The following NDP variants were observed in gnomAD, a reference collection of about 807,000 sequenced individuals.
NDP encodes the protein norrin cystine knot growth factor NDP, also known as norrin.
NDP carries 2 observed loss-of-function variants against 8.4 expected under a neutral mutation model. The observed-to-expected ratio is 0.24, with a 90% confidence interval of 0.10 to 0.75. The LOEUF (loss-of-function observed/expected upper bound fraction) is 0.75. Ranked by LOEUF, NDP falls within the 30% of genes least tolerant of loss-of-function variation. NDP has a pLI of 0.73. For missense variants in NDP, 81 were observed against 110.1 expected, an observed-to-expected ratio of 0.74 and a Z score of 1.18; for synonymous variants, 55 against 45.6, an observed-to-expected ratio of 1.21 and a Z score of -0.83.
chrX:43,964,648 C>A (rs1458687927), intron 1 of NDP, among the ~76,000 whole-genome samples: 3 of 111,661 alleles, frequency 2.7e-5, no homozygotes, highest in Non-Finnish European at 5.6e-5. Flanking sequence ...TGTCCCTATA[C>A]TGATTTGAAA....
chrX:43,954,854 C>T lies in NDP; in HGVS notation c.174+3618G>A, dbSNP rs750429092. Among the ~76,000 whole-genome samples the T allele has an allele frequency of 4.5e-5, 5 of 111,357 alleles. No homozygotes were observed. The South Asian group carries it at 1.9e-3, about 43-fold the overall frequency. ...CCCTTACCGGTTCAGATAGTCATGC[C>T]CTGGTTCCATGCCCTGGCCTGGGGC... On this transcript the variant is annotated intron_variant, in intron 2 of 2. Coordinates refer to ENST00000642620, the MANE Select transcript of NDP (RefSeq NM_000266.4).
chrX:43,960,613 A>G (rs1180674091), intron 1 of NDP, among the ~76,000 whole-genome samples: 2 of 112,352 alleles, frequency 1.8e-5, no homozygotes, highest in Admixed American at 9.4e-5. Context: ...TACCAAGACA[A>G]CAACTCAAAG....
At chrX:43,964,210 A>G (rs771748211) in intron 1 of NDP, among the ~76,000 whole-genome samples, 3 of 111,801 alleles carry the variant, frequency 2.7e-5, no homozygotes, top group African/African-American at 9.8e-5. Flanking sequence ...CCCAACCTGC[A>G]CTACTAGCCA....
chrX:43,962,691 C>T (rs1602068724), intron 1 of NDP, among the ~76,000 whole-genome samples: 1 of 111,823 alleles, frequency 8.9e-6, no homozygotes, highest in East Asian at 2.8e-4. Context: ...ACTCAGTAGC[C>T]CTGTGGCCAC....
chrX:43,949,739 C>T lies in NDP; in HGVS notation c.*60G>A. Reference sequence around the variant, plus strand: ...TAACTCTTTTCTTGCCAGTCTTTCCCTGGCTGGTCGAACTGCCTCTACAGT... The same window carrying T: ...TAACTCTTTTCTTGCCAGTCTTTCCTTGGCTGGTCGAACTGCCTCTACAGT... On this transcript the variant is annotated 3_prime_UTR_variant, in exon 3 of 3. Coordinates refer to ENST00000642620, the MANE Select transcript of NDP (RefSeq NM_000266.4). The T allele has an allele frequency of 1.9e-6, 2 of 1,080,441 alleles. No individual in the cohort carries two copies. Among genetic ancestry groups the T allele is most frequent in the Admixed American group, 5.2e-5 (2 of 38,697 alleles). 89.0% of individuals were successfully genotyped at this position (1,080,441 alleles called of 1,213,427 possible). A position where few individuals can be genotyped will look rare whatever the true frequency, so the allele number is the denominator to read the frequency against.
At chrX:43,963,597 G>T (rs182428523) in intron 1 of NDP, among the ~76,000 whole-genome samples, 30 of 111,964 alleles carry the variant, frequency 2.7e-4, no homozygotes, top group Non-Finnish European at 1.5e-4. Context: ...ATTTATAAGT[G>T]GAAGAAAGCT....
At position 43,949,630 on chromosome X, in the gene NDP, ATCTC is replaced by A; in HGVS notation, c.*165_*168del. 2.1e-6 allele frequency: 1 copy of A among 487,618 alleles called. No individual in the cohort carries two copies. Among genetic ancestry groups the A allele is most frequent in the South Asian group, 2.9e-5 (1 of 33,932 alleles). 40.2% of individuals were successfully genotyped at this position (487,618 alleles called of 1,213,427 possible). ...GGAACTGCAAAGAAGTTCCCAGAGT[ATCTC>A]TCTCTGTCAACAAGCATGTAGAGTC... On this transcript the variant is annotated 3_prime_UTR_variant, in exon 3 of 3. Transcript: ENST00000642620.
chrX:43,950,458 C>CAA (rs11292831), intron 2 of NDP, among the ~76,000 whole-genome samples: 885 of 59,248 alleles, frequency 0.015, 13 homozygotes, highest in Non-Finnish European at 0.021. Context: ...AAATGACTAC[C>CAA]AAAAAAAAAA....
At chrX:43,965,365 G>A (rs912961683) in intron 1 of NDP, among the ~76,000 whole-genome samples, 7 of 111,110 alleles carry the variant, frequency 6.3e-5, no homozygotes, top group Admixed American at 9.6e-5. Context: ...CCTACAGTGG[G>A]CTGTGATCGC....
intron 1 of NDP, among the ~76,000 whole-genome samples, chrX:43,969,291 G>A (rs772053555): frequency 4.5e-5 from 5 of 111,881 alleles, no homozygotes; most frequent in Non-Finnish European, 5.6e-5. Context: ...GGTCTGTGCT[G>A]GCCAAATTAG....
At chrX:43,971,467 A>T (rs1018203190) in intron 1 of NDP, among the ~76,000 whole-genome samples, 13 of 111,395 alleles carry the variant, frequency 1.2e-4, no homozygotes, top group Admixed American at 1.9e-4. Context: ...TCGAATTAAG[A>T]TTGAAAACTC....
At position 43,954,207 on chromosome X, in the gene NDP, C is replaced by T. The variant is rs375554629; in HGVS notation, c.175-4181G>A. On this transcript the variant is annotated intron_variant, in intron 2 of 2. Transcript: ENST00000642620. The stretch of plus-strand genomic sequence containing the variant: ...TGCTTCTTCTCCCATTCTTTCCCCA[C>T]GGGCAGCCTCATAACTCCGCTCATC... 1.1e-3 allele frequency among the ~76,000 whole-genome samples: 122 copies of T among 111,764 alleles called. 2 individuals carry two copies. The highest frequency in any genetic ancestry group is 3.6e-3 in the African/African-American group (111 of 30,733).
chrX:43,961,625 C>T (rs1421670235), intron 1 of NDP, among the ~76,000 whole-genome samples: 1 of 111,514 alleles, frequency 9.0e-6, no homozygotes, highest in African/African-American at 3.3e-5. Flanking sequence ...TATATCTTTT[C>T]GTATTTTTAG....
At position 43,962,803 on chromosome X, in the gene NDP, G is replaced by A. The variant is rs3788865; in HGVS notation, c.-207-3951C>T. On this transcript the variant is annotated intron_variant, in intron 1 of 2. Transcript: ENST00000642620. ...GAGCCTCTGCCGGCAGGAGAGGCAC[G>A]TAGGCTGGCGTGCCCGACTTTGGAG... Among the ~76,000 whole-genome samples the A allele has an allele frequency of 1.7e-3, 187 of 111,907 alleles. No individual in the cohort carries two copies. The East Asian group carries it at 0.036, about 22-fold the overall frequency.
intron 1 of NDP, among the ~76,000 whole-genome samples, chrX:43,962,748 C>G (rs927926711): frequency 5.4e-5 from 6 of 111,665 alleles, no homozygotes; most frequent in African/African-American, 1.6e-4. Flanking sequence ...GGCCGACGTA[C>G]AGAGCCCACA....
chrX:43,972,126 C>T (rs1030472985), intron 1 of NDP, among the ~76,000 whole-genome samples: 15 of 111,701 alleles, frequency 1.3e-4, no homozygotes, highest in Admixed American at 1.2e-3. Flanking sequence ...AATTAAAATA[C>T]ACTAATATTA....
At chrX:43,955,124 C>T (rs1288572015) in intron 2 of NDP, among the ~76,000 whole-genome samples, 2 of 112,123 alleles carry the variant, frequency 1.8e-5, no homozygotes, top group Non-Finnish European at 3.8e-5. Context: ...TCTTCTGCCC[C>T]ACCCTGTGCT....
chrX:43,955,175 A>G (rs1209353939), intron 2 of NDP, among the ~76,000 whole-genome samples: 1 of 112,380 alleles, frequency 8.9e-6, no homozygotes, highest in Non-Finnish European at 1.9e-5. Flanking sequence ...TAATCTTTTA[A>G]GGCTATAGGA....
intron 2 of NDP, among the ~76,000 whole-genome samples, chrX:43,951,290 C>CTACTT (rs2035759994): frequency 9.1e-6 from 1 of 109,816 alleles, no homozygotes; most frequent in East Asian, 2.8e-4. Context: ...TGATGTGCAC[C>CTACTT]TGTAGTCCCA....
Sources: allele counts gnomAD v4.1 joint callset (sites outside exome capture counted in the v4.1 genomes callset), GRCh38; gene constraint gnomAD v4.1.1; transcripts MANE v1.5; gene names NCBI Gene and HGNC (gene_info 2026-07-23, HGNC 2026-07-21).